ARHGEF11: variants seen among roughly 807,000 people sequenced by gnomAD.
ARHGEF11 encodes the protein Rho guanine nucleotide exchange factor 11, also known as Rho guanine exchange factor (GEF) 11.
Under a neutral mutation model 193.7 loss-of-function variants are expected in ARHGEF11, and 55 were observed. That is an observed-to-expected ratio of 0.28 (90% CI 0.23 to 0.36). The LOEUF (loss-of-function observed/expected upper bound fraction) is 0.36, where lower values mean the gene tolerates loss of function less well. Ranked by LOEUF, ARHGEF11 falls within the 10% of genes least tolerant of loss-of-function variation. The pLI is 1.00. For synonymous variants in ARHGEF11, 693 were observed against 768.0 expected (o/e 0.90, Z 1.62); for missense variants, 1,723 against 2,005.6 (o/e 0.86, Z 2.69).
intron 1 of ARHGEF11, among the ~76,000 whole-genome samples, chr1:157,005,872 G>A (rs1200615131): frequency 3.3e-5 from 5 of 152,140 alleles, no homozygotes; most frequent in African/African-American, 1.2e-4. Context: ...GGTATTCTTA[G>A]ATCAATATAC....
intron 1 of ARHGEF11, among the ~76,000 whole-genome samples, chr1:157,043,718 T>C (rs1485060063): frequency 6.6e-6 from 1 of 152,234 alleles, no homozygotes; most frequent in African/African-American, 2.4e-5. Context: ...ATGTGATCTA[T>C]GCATTTTGGG....
intron 1 of ARHGEF11, among the ~76,000 whole-genome samples, chr1:156,993,148 C>T (rs1392417358): frequency 6.6e-6 from 1 of 152,162 alleles, no homozygotes; most frequent in East Asian, 1.9e-4. Flanking sequence ...TCCCCATTTT[C>T]CAGTGTGTGA....
chr1:156,971,234 C>T (rs1387218682), intron 8 of ARHGEF11, among the ~76,000 whole-genome samples: 2 of 152,214 alleles, frequency 1.3e-5, no homozygotes, highest in Admixed American at 6.5e-5. Flanking sequence ...TCCATCTCAA[C>T]AGACTGGGGG....
rs1660177692 is a variant in ARHGEF11 at position 156,957,776 on chromosome 1, T to C, written c.1526+16A>G. 23 of 1,613,720 alleles carry C rather than the reference T, an allele frequency of 1.4e-5. No homozygotes were observed. The highest frequency in any genetic ancestry group is 1.9e-5 in the Non-Finnish European group (23 of 1,179,654). On this transcript the variant is annotated intron_variant, in intron 18 of 40. Transcript: ENST00000368194. ...CCACCTTGAAAGCTGCAAATCCACATCATAGACTTGCTTACCTCCTGTCTT... is the reference window on the plus strand; with the variant it reads ...CCACCTTGAAAGCTGCAAATCCACACCATAGACTTGCTTACCTCCTGTCTT...
intron 10 of ARHGEF11, among the ~76,000 whole-genome samples, 160 bp from the exon 11 acceptor site, chr1:156,968,284 A>G (rs1407603514): frequency 6.6e-6 from 1 of 152,226 alleles, no homozygotes; most frequent in Non-Finnish European, 1.5e-5. Context: ...TTCATTACAC[A>G]TTATCTCATT....
chr1:157,016,701 T>C (rs1669278276), intron 1 of ARHGEF11, among the ~76,000 whole-genome samples: 1 of 152,260 alleles, frequency 6.6e-6, no homozygotes, highest in African/African-American at 2.4e-5. Flanking sequence ...ATGAAGGGTA[T>C]GTAGGAGTGT....
chr1:157,007,912 T>G (rs150797136), intron 1 of ARHGEF11, among the ~76,000 whole-genome samples: 516 of 41,650 alleles, frequency 0.012, 3 homozygotes, highest in East Asian at 0.071. Flanking sequence ...TTTTTTTTTT[T>G]GTTTTTTTTT....
At chr1:157,017,706 C>CAAAAAAAA (rs1047573559) in intron 1 of ARHGEF11, among the ~76,000 whole-genome samples, 7 of 41,530 alleles carry the variant, frequency 1.7e-4, no homozygotes, top group African/African-American at 3.2e-4. Context: ...GACTCCGTCT[C>CAAAAAAAA]AAAAAAAAAA....
intron 1 of ARHGEF11, among the ~76,000 whole-genome samples, chr1:157,020,703 C>T (rs12083220): frequency 1.3e-5 from 2 of 152,114 alleles, no homozygotes; most frequent in Non-Finnish European, 2.9e-5. Context: ...TAATATAATA[C>T]GGGGTTTTGT....
intron 1 of ARHGEF11, among the ~76,000 whole-genome samples, chr1:157,042,745 C>T (rs1006587374): frequency 5.3e-5 from 8 of 152,200 alleles, no homozygotes; most frequent in African/African-American, 1.9e-4. Context: ...CCTCCTCCTT[C>T]TTGCACGCCC....
chr1:156,942,889 A>C, intron 32 of ARHGEF11, 109 bp from the exon 33 acceptor site: 1 of 856,862 alleles, frequency 1.2e-6, no homozygotes, highest in Middle Eastern at 2.9e-4. Context: ...CTCAACGCAG[A>C]TGGAGAGTGC....
At chr1:156,940,560 G>T in intron 35 of ARHGEF11, 135 bp from the exon 36 acceptor site, 2 of 720,272 alleles carry the variant, frequency 2.8e-6, no homozygotes, top group Non-Finnish European at 4.3e-6. Flanking sequence ...ACTTCCCATG[G>T]CCAGCACTGT....
intron 1 of ARHGEF11, among the ~76,000 whole-genome samples, chr1:157,003,187 A>T (rs1667412151): frequency 6.6e-6 from 1 of 152,236 alleles, no homozygotes; most frequent in Non-Finnish European, 1.5e-5. Flanking sequence ...AGAAAGGCTG[A>T]GCCACTTGCT....
rs1470061152 is a variant in ARHGEF11 at position 156,951,586 on chromosome 1, G to A, written c.1912C>T (p.Leu638=). 2 of 1,613,938 alleles carry A rather than the reference G, an allele frequency of 1.2e-6. No homozygotes were observed. The highest frequency in any genetic ancestry group is 2.7e-5 in the African/African-American group (2 of 74,904). Residue 638 remains leucine (L), a synonymous_variant, in exon 22 of 41, where the codon CTG becomes TTG. Coordinates refer to ENST00000368194, the MANE Select transcript of ARHGEF11 (RefSeq NM_198236.3). ...AGCCAGTGCTACCTGTCACTCTCCA[G>A]CAGGTCCTCAGGAAAGCTTCCGGTC... ...LSTGSFPEDL[L]ESDSSRSEIR...
At chr1:156,951,808 G>GA in intron 21 of ARHGEF11, 109 bp from the exon 22 acceptor site, 3 of 1,423,980 alleles carry the variant, frequency 2.1e-6, no homozygotes, top group Non-Finnish European at 2.9e-6. Flanking sequence ...AAGCGTGGAT[G>GA]AGAACAGCAC....
intron 36 of ARHGEF11, 85 bp from the exon 37 acceptor site, chr1:156,939,995 A>G: frequency 6.4e-7 from 1 of 1,558,094 alleles, no homozygotes; most frequent in South Asian, 1.2e-5. Context: ...ACTGACCCCA[A>G]GGTGGTGACC....
intron 1 of ARHGEF11, among the ~76,000 whole-genome samples, chr1:157,009,253 T>G (rs1668264780): frequency 6.6e-6 from 1 of 152,234 alleles, no homozygotes. Context: ...ATACTTAATA[T>G]GCTTCCCAAA....
At chr1:156,963,985 C>T (rs1661349765) in intron 11 of ARHGEF11, among the ~76,000 whole-genome samples, 1 of 152,172 alleles carries the variant, frequency 6.6e-6, no homozygotes, top group Admixed American at 6.5e-5. Flanking sequence ...CACCCCTACC[C>T]CAAACACACA....
rs933557740 is a variant in ARHGEF11 at position 156,939,923 on chromosome 1, C to T, written c.3734-13G>A. On this transcript the variant is annotated splice_polypyrimidine_tract_variant and intron_variant, in intron 36 of 40. Coordinates refer to ENST00000368194, the MANE Select transcript of ARHGEF11 (RefSeq NM_198236.3). Reference sequence around the variant, plus strand: ...CGCAGGTTCTCCACTGGAGGGGAAACAGGGTGATGTCTTCCCAGCATGGGA... The same window carrying T: ...CGCAGGTTCTCCACTGGAGGGGAAATAGGGTGATGTCTTCCCAGCATGGGA... The T allele has an allele frequency of 3.1e-6, 5 of 1,599,128 alleles. No individual in the cohort carries two copies. The highest frequency in any genetic ancestry group is 3.4e-5 in the Admixed American group (2 of 59,192).
Sources: gnomAD v4.1 joint callset for allele counts (sites outside exome capture counted in the v4.1 genomes callset) on GRCh38, gnomAD v4.1.1 for gene constraint, MANE v1.5 for transcripts, NCBI Gene and HGNC (gene_info 2026-07-23, HGNC 2026-07-21) for gene names.